UNC13B: variants seen among roughly 807,000 people sequenced by gnomAD.
UNC13B encodes unc-13 homolog B, also known as protein unc-13 homolog B.
In UNC13B, 144 loss-of-function variants were observed where a neutral mutation model predicts 211.0. That is an observed-to-expected ratio of 0.68 (90% confidence interval 0.60 to 0.78). The LOEUF is 0.78. Among genes scored for constraint, UNC13B ranks in the 30% least tolerant of loss-of-function variants. The pLI is 0.00. For synonymous variants in UNC13B, 709 were observed against 725.8 expected (o/e 0.98, Z 0.37); for missense variants, 1,777 against 2,002.0 (o/e 0.89, Z 2.14).
chr9:35,335,222 G>T (rs1303257739), intron 11 of UNC13B, among the ~76,000 whole-genome samples: 1 of 152,204 alleles, frequency 6.6e-6, no homozygotes, highest in African/African-American at 2.4e-5. Context: ...TAAGTTAGCA[G>T]TTAAGTATCA....
At chr9:35,239,397 G>T (rs956266802) in intron 5 of UNC13B, among the ~76,000 whole-genome samples, 3 of 152,158 alleles carry the variant, frequency 2.0e-5, no homozygotes, top group African/African-American at 7.2e-5. Flanking sequence ...CAAAAGAGGA[G>T]GGAGTGTACG....
intron 37 of UNC13B, 103 bp from the exon 38 acceptor site, chr9:35,403,064 T>C (rs911184967): frequency 3.5e-5 from 32 of 902,538 alleles, no homozygotes; most frequent in Middle Eastern, 2.6e-4. Flanking sequence ...GTTACTGTGG[T>C]GATTGCTTCT....
At chr9:35,176,579 A>T (rs1460745532) in intron 1 of UNC13B, among the ~76,000 whole-genome samples, 1 of 152,082 alleles carries the variant, frequency 6.6e-6, no homozygotes, top group Non-Finnish European at 1.5e-5. Context: ...AAAACAAAAA[A>T]ACCCCACAAC....
chr9:35,177,695 G>C (rs138070016), intron 1 of UNC13B, among the ~76,000 whole-genome samples: 11 of 152,292 alleles, frequency 7.2e-5, no homozygotes, highest in African/African-American at 2.6e-4. Flanking sequence ...TTAACTATGG[G>C]TGAGGCATTG....
At chr9:35,310,383 C>T in intron 9 of UNC13B, 84 bp from the exon 10 acceptor site, 3 of 1,404,112 alleles carry the variant, frequency 2.1e-6, no homozygotes, top group African/African-American at 1.4e-5. Context: ...CTAATGTAGT[C>T]ATTATTTCCT....
chr9:35,200,882 A>G (rs1337543147), intron 1 of UNC13B, among the ~76,000 whole-genome samples: 1 of 152,116 alleles, frequency 6.6e-6, no homozygotes, highest in African/African-American at 2.4e-5. Context: ...GTTGAATAGG[A>G]GTGGTGAGAG....
At chr9:35,170,512 A>C (rs1023587937) in intron 1 of UNC13B, among the ~76,000 whole-genome samples, 1 of 152,186 alleles carries the variant, frequency 6.6e-6, no homozygotes, top group Non-Finnish European at 1.5e-5. Context: ...TCTGTTGCCC[A>C]GGCTGGAGTG....
At chr9:35,258,323 C>G (rs1172522626) in intron 6 of UNC13B, among the ~76,000 whole-genome samples, 1 of 152,166 alleles carries the variant, frequency 6.6e-6, no homozygotes, top group African/African-American at 2.4e-5. Context: ...GTGCCTTTCT[C>G]TTTCTGTTTT....
At chr9:35,254,965 T>A (rs1404983198) in intron 6 of UNC13B, among the ~76,000 whole-genome samples, 3 of 121,610 alleles carry the variant, frequency 2.5e-5, no homozygotes, top group Non-Finnish European at 3.3e-5. Context: ...ATATAATATA[T>A]TATATTATAT....
At chr9:35,197,081 T>C in intron 1 of UNC13B, among the ~76,000 whole-genome samples, 1 of 152,242 alleles carries the variant, frequency 6.6e-6, no homozygotes. Context: ...TAAATATTTA[T>C]TTTAAATTAG....
chr9:35,232,283 C>T (rs554962428), intron 3 of UNC13B, among the ~76,000 whole-genome samples: 3 of 145,690 alleles, frequency 2.1e-5, no homozygotes, highest in East Asian at 2.1e-4. Context: ...TGGGCTTGAG[C>T]GATCTTCTTG....
intron 6 of UNC13B, among the ~76,000 whole-genome samples, chr9:35,253,772 G>A (rs547999307): frequency 2.8e-4 from 43 of 152,238 alleles, no homozygotes; most frequent in African/African-American, 8.4e-4. Context: ...GAACATTTCT[G>A]GACCTGTTTC....
chr9:35,297,926 T>A (rs1829478537), intron 8 of UNC13B, among the ~76,000 whole-genome samples: 1 of 152,174 alleles, frequency 6.6e-6, no homozygotes, highest in Non-Finnish European at 1.5e-5. Context: ...ATTTCTCCAG[T>A]GTAAAGTTTC....
intron 22 of UNC13B, 42 bp from the exon 23 acceptor site, chr9:35,385,682 T>C (rs1239263417): frequency 3.2e-6 from 5 of 1,550,314 alleles, no homozygotes; most frequent in South Asian, 2.4e-5. Flanking sequence ...AAGGTTTTCA[T>C]AGTCCTCTGT....
intron 1 of UNC13B, among the ~76,000 whole-genome samples, chr9:35,195,273 T>C (rs540853505): frequency 6.6e-6 from 1 of 152,160 alleles, no homozygotes; most frequent in Non-Finnish European, 1.5e-5. Context: ...CTGCTTCTTA[T>C]TAAAAGGAAA....
At chr9:35,288,550 C>A (rs570669541) in intron 7 of UNC13B, among the ~76,000 whole-genome samples, 2 of 152,250 alleles carry the variant, frequency 1.3e-5, no homozygotes, top group African/African-American at 4.8e-5. Context: ...GTTCTGCTGG[C>A]TAGTTATGTG....
intron 29 of UNC13B, 113 bp downstream of exon 29, chr9:35,397,423 C>T: frequency 6.7e-7 from 1 of 1,488,010 alleles, no homozygotes; most frequent in South Asian, 1.3e-5. Context: ...GCTCGTGTGA[C>T]CCCCATTCTC....
chr9:35,318,869 C>T (rs181605039), intron 11 of UNC13B, among the ~76,000 whole-genome samples: 4 of 152,282 alleles, frequency 2.6e-5, no homozygotes, highest in East Asian at 1.9e-4. Flanking sequence ...GTTTCTTGCT[C>T]GTATTCCACA....
rs1008649008 is a variant in UNC13B at position 35,385,554 on chromosome 9, T to A, written c.10876-170T>A. On this transcript the variant is annotated intron_variant, in intron 22 of 39. Coordinates refer to ENST00000635942, the MANE Select transcript of UNC13B (RefSeq NM_001371189.2). Reference sequence around the variant, plus strand: ...TGCTTTTGGCAAGAGCCTGTTTGCATCAATAGAAAAAAGAGAAGGAGACCT... The same window carrying A: ...TGCTTTTGGCAAGAGCCTGTTTGCAACAATAGAAAAAAGAGAAGGAGACCT... The A allele has an allele frequency of 6.1e-6, 6 of 985,244 alleles. No homozygotes were observed. In the African/African-American group the frequency reaches 8.7e-5, roughly 14 times the overall value. 61.0% of individuals were successfully genotyped at this position (985,244 alleles called of 1,614,324 possible). A position where few individuals can be genotyped will look rare whatever the true frequency, so the allele number is the denominator to read the frequency against.
Sources: gnomAD v4.1 joint callset for allele counts (sites outside exome capture counted in the v4.1 genomes callset) on GRCh38, gnomAD v4.1.1 for gene constraint, MANE v1.5 for transcripts, NCBI Gene and HGNC (gene_info 2026-07-23, HGNC 2026-07-21) for gene names.